CTSS: variants seen among roughly 807,000 people sequenced by gnomAD.
CTSS encodes the protein cathepsin S.
A neutral mutation model predicts 39.9 loss-of-function variants in CTSS; 15 were observed. That is an observed-to-expected ratio of 0.38 (90% CI 0.25 to 0.58). The LOEUF is 0.58. Among genes scored for constraint, CTSS ranks in the 20% least tolerant of loss-of-function variants. CTSS has a pLI of 0.70. For synonymous variants in CTSS, 126 were observed against 138.2 expected (o/e 0.91, Z 0.62); for missense variants, 250 against 398.2 (o/e 0.63, Z 3.17).
intron 7 of CTSS, among the ~76,000 whole-genome samples, chr1:150,740,381 CT>C (rs1010872806): frequency 6.6e-6 from 1 of 151,780 alleles, no homozygotes; most frequent in Non-Finnish European, 1.5e-5. Flanking sequence ...TAATACCTTT[CT>C]TTTTTTTCCT....
intron 1 of CTSS, 98 bp from the exon 2 acceptor site, chr1:150,764,862 A>G: frequency 7.2e-7 from 1 of 1,380,152 alleles, no homozygotes; most frequent in Admixed American, 1.8e-5. Context: ...AAGTCTATCA[A>G]AGGGACAGAC....
At chr1:150,760,466 C>T (rs1434620597) in intron 2 of CTSS, among the ~76,000 whole-genome samples, 1 of 152,196 alleles carries the variant, frequency 6.6e-6, no homozygotes, top group Non-Finnish European at 1.5e-5. Context: ...TACCCACTCT[C>T]ACCATTTCTA....
intron 2 of CTSS, 24 bp downstream of exon 2, chr1:150,764,614 C>T (rs56404059): frequency 0.012 from 19,984 of 1,613,366 alleles, 165 homozygotes; most frequent in Non-Finnish European, 0.015. Flanking sequence ...AAAAGCATAT[C>T]GCTCGAGTGG....
chr1:150,735,587 T>C (rs1284630399), intron 7 of CTSS, among the ~76,000 whole-genome samples: 1 of 152,032 alleles, frequency 6.6e-6, no homozygotes, highest in Non-Finnish European at 1.5e-5. Flanking sequence ...TAGTGGGTTT[T>C]TTTGTTTGTT....
At chr1:150,764,362 C>T (rs1462402455) in intron 2 of CTSS, among the ~76,000 whole-genome samples, 6 of 152,072 alleles carry the variant, frequency 3.9e-5, no homozygotes, top group African/African-American at 1.2e-4. Flanking sequence ...CTCAGCCTCC[C>T]GAGTAGCTGG....
In CTSS at chr1:150,750,091, A is replaced by T. The variant is rs774320676; in HGVS notation, c.708T>A (p.Asp236Glu). 2 of 1,614,098 alleles carry T rather than the reference A, an allele frequency of 1.2e-6. No homozygotes were observed. Among genetic ancestry groups the T allele is most frequent in the Non-Finnish European group, 1.7e-6 (2 of 1,179,946 alleles). ...TATTGGCCACAGCTTCTTTCAGGAC[A>T]TCTTCTCTGCCATAAGGAAGTTCAG... Reference protein sequence around the residue: ...KYTELPYGREDVLKEAVANKG... With the variant: ...KYTELPYGREEVLKEAVANKG... Residue 236 changes from aspartate (D) to glutamate (E), a missense_variant, in exon 6 of 8, where the codon GAT becomes GAA. By Grantham distance (45) the Asp-to-Glu change is conservative. Transcript: ENST00000368985.
At position 150,753,000 on chromosome 1, in the gene CTSS, C is replaced by T. The variant is rs372474348; in HGVS notation, c.400-992G>A. On this transcript the variant is annotated intron_variant, in intron 4 of 7. Transcript: ENST00000368985. ...CCTCAAGTAGCTGGGACTACAGGAGCGCACCATGCCTGGCTAATTTTTATT... is the reference window on the plus strand; with the variant it reads ...CCTCAAGTAGCTGGGACTACAGGAGTGCACCATGCCTGGCTAATTTTTATT... Among the ~76,000 whole-genome samples the T allele has an allele frequency of 7.2e-5, 11 of 151,796 alleles. No homozygotes were observed. The East Asian group carries it at 7.7e-4, about 11-fold the overall frequency.
intron 7 of CTSS, among the ~76,000 whole-genome samples, chr1:150,736,445 T>A (rs1416274831): frequency 6.6e-6 from 1 of 152,222 alleles, no homozygotes; most frequent in Non-Finnish European, 1.5e-5. Flanking sequence ...TGAAGTCATA[T>A]GGGGAATGAA....
intron 7 of CTSS, among the ~76,000 whole-genome samples, chr1:150,742,721 C>T (rs1054711356): frequency 1.3e-5 from 2 of 151,886 alleles, no homozygotes; most frequent in Non-Finnish European, 2.9e-5. Flanking sequence ...ATTCACAGGC[C>T]AAATGGATAG....
chr1:150,739,241 G>A (rs781009176), intron 7 of CTSS, among the ~76,000 whole-genome samples: 58 of 152,098 alleles, frequency 3.8e-4, no homozygotes, highest in Admixed American at 6.6e-4. Flanking sequence ...AAGTGTTCAA[G>A]TGAAAGGAAG....
chr1:150,744,853 G>A (rs189519943), intron 7 of CTSS, among the ~76,000 whole-genome samples: 1 of 151,698 alleles, frequency 6.6e-6, no homozygotes, highest in East Asian at 1.9e-4. Flanking sequence ...TTGAATGAAT[G>A]AGTGAAGAGA....
intron 5 of CTSS, 123 bp from the exon 6 acceptor site, chr1:150,750,294 C>T (rs1652983151): frequency 1.5e-6 from 1 of 659,044 alleles, no homozygotes; most frequent in Admixed American, 3.1e-5. Context: ...GTCTAAGGCT[C>T]CTTCCTTTGC....
chr1:150,742,579 C>G (rs1435757920), intron 7 of CTSS, among the ~76,000 whole-genome samples: 1 of 152,014 alleles, frequency 6.6e-6, no homozygotes, highest in Non-Finnish European at 1.5e-5. Flanking sequence ...CAATGGTGAA[C>G]TATTCAGAAT....
Position 150,732,783 on chromosome 1 carries a change from A to T in CTSS, c.*263T>A. 3.9e-6 allele frequency: 1 copy of T among 254,980 alleles called. No individual in the cohort carries two copies. Among genetic ancestry groups the T allele is most frequent in the Non-Finnish European group, 7.6e-6 (1 of 130,968 alleles). The allele number at this position is 254,980 out of a possible 1,614,324, so 15.8% of individuals were successfully genotyped here. A position where few individuals can be genotyped will look rare whatever the true frequency, so the allele number is the denominator to read the frequency against. ...CCACCGTGCTCGGCTAATTTTTTGT[A>T]TTTTTAGTAGAGATGGGGTTTCACC... On this transcript the variant is annotated 3_prime_UTR_variant, in exon 8 of 8. Transcript: ENST00000368985.
At chr1:150,765,382 CAG>C (rs1432379476) in intron 1 of CTSS, among the ~76,000 whole-genome samples, 3 of 151,650 alleles carry the variant, frequency 2.0e-5, no homozygotes, top group Admixed American at 6.6e-5. Context: ...GAGACATCAA[CAG>C]AAATTCAGCG....
chr1:150,751,983 A>C lies in CTSS; in HGVS notation c.425T>G (p.Phe142Cys). Reference protein sequence around the residue: ...YQGSCGACWAFSAVGALEAQL... With the variant: ...YQGSCGACWACSAVGALEAQL... Reference sequence around the variant, plus strand: ...TGCTTCCAGGGCCCCCACAGCACTGAAAGCCCAGCAAGCACCACAAGAACC... The same window carrying C: ...TGCTTCCAGGGCCCCCACAGCACTGCAAGCCCAGCAAGCACCACAAGAACC... The change falls in exon 5 of 8, where the codon TTC becomes TGC. Residue 142 changes from phenylalanine to cysteine, a missense_variant. Physicochemically the swap from Phe to Cys is radical, Grantham distance 205 (BLOSUM62 -2). Coordinates refer to ENST00000368985, the MANE Select transcript of CTSS (RefSeq NM_004079.5). 1 of 1,614,216 alleles carries C rather than the reference A, an allele frequency of 6.2e-7. No homozygotes were observed. Among genetic ancestry groups the C allele is most frequent in the Non-Finnish European group, 8.5e-7 (1 of 1,180,034 alleles).
At chr1:150,757,434 C>G (rs1653156514) in intron 3 of CTSS, among the ~76,000 whole-genome samples, 1 of 152,112 alleles carries the variant, frequency 6.6e-6, no homozygotes. Context: ...CAGGACAGAA[C>G]AGAATCTGAA....
At chr1:150,749,879 T>C in intron 6 of CTSS, 127 bp downstream of exon 6, 1 of 726,948 alleles carries the variant, frequency 1.4e-6, no homozygotes, top group African/African-American at 1.8e-5. Context: ...GGTGTCAAAC[T>C]CCCAGGCTCA....
At chr1:150,760,203 C>T (rs1653223925) in intron 2 of CTSS, among the ~76,000 whole-genome samples, 1 of 152,124 alleles carries the variant, frequency 6.6e-6, no homozygotes, top group Non-Finnish European at 1.5e-5. Flanking sequence ...AAATGAGGAA[C>T]CTGTTCATAA....
Sources: gnomAD v4.1 joint callset for allele counts (sites outside exome capture counted in the v4.1 genomes callset) on GRCh38, gnomAD v4.1.1 for gene constraint, MANE v1.5 for transcripts, NCBI Gene and HGNC (gene_info 2026-07-23, HGNC 2026-07-21) for gene names.